Variants in FARS2 observed in about 807,000 individuals in gnomAD.
The protein encoded by FARS2 is phenylalanine--tRNA ligase, mitochondrial.
A neutral mutation model predicts 46.4 loss-of-function variants in FARS2; 40 were observed. The observed-to-expected ratio is 0.86, with a 90% CI of 0.67 to 1.12. The LOEUF (loss-of-function observed/expected upper bound fraction) is 1.12, where lower values mean the gene tolerates loss of function less well. FARS2 is among the 50% of genes most tolerant of loss of function. The pLI, the probability that FARS2 is intolerant of heterozygous loss-of-function variation, is 0.00. For missense variants in FARS2, 513 were observed against 567.9 expected, an observed-to-expected ratio of 0.90 and a Z score of 0.98; for synonymous variants, 234 against 214.9, an observed-to-expected ratio of 1.09 and a Z score of -0.78.
intron 5 of FARS2, among the ~76,000 whole-genome samples, chr6:5,611,200 T>C (rs145345621): frequency 1.3e-4 from 20 of 152,076 alleles, no homozygotes; most frequent in African/African-American, 4.8e-4. Context: ...AGTAATGGGA[T>C]TGATGGAGTC....
At chr6:5,690,698 G>A (rs1252859662) in intron 6 of FARS2, among the ~76,000 whole-genome samples, 2 of 152,118 alleles carry the variant, frequency 1.3e-5, no homozygotes, top group African/African-American at 4.8e-5. Context: ...TTCTCGAGGA[G>A]TATCTTTGTG....
At chr6:5,276,073 CT>C (rs976798060) in intron 1 of FARS2, among the ~76,000 whole-genome samples, 1 of 152,138 alleles carries the variant, frequency 6.6e-6, no homozygotes, top group Non-Finnish European at 1.5e-5. Context: ...ACCCTATTTT[CT>C]TTCTGAAAAA....
chr6:5,310,495 A>G (rs1313503552), intron 1 of FARS2, among the ~76,000 whole-genome samples: 1 of 152,164 alleles, frequency 6.6e-6, no homozygotes, highest in Non-Finnish European at 1.5e-5. Flanking sequence ...AGTTGCCAGT[A>G]ACAATCTTAA....
intron 5 of FARS2, among the ~76,000 whole-genome samples, chr6:5,611,840 C>T (rs1775204198): frequency 6.6e-6 from 1 of 152,162 alleles, no homozygotes; most frequent in Admixed American, 6.5e-5. Flanking sequence ...TGCCTGGCAT[C>T]AGAACTCAGG....
At chr6:5,496,806 C>G (rs180943328) in intron 4 of FARS2, among the ~76,000 whole-genome samples, 1 of 152,132 alleles carries the variant, frequency 6.6e-6, no homozygotes, top group Non-Finnish European at 1.5e-5. Context: ...TTAGGACTTT[C>G]ATATATGAAG....
chr6:5,637,980 A>G (rs1157771351), intron 6 of FARS2, among the ~76,000 whole-genome samples: 2 of 152,188 alleles, frequency 1.3e-5, no homozygotes, highest in Non-Finnish European at 2.9e-5. Context: ...ACACAGTTCA[A>G]CCCATAACAG....
intron 4 of FARS2, among the ~76,000 whole-genome samples, chr6:5,468,889 G>A (rs113566612): frequency 0.01 from 1,561 of 152,286 alleles, 34 homozygotes; most frequent in African/African-American, 0.035. Flanking sequence ...GAATGATGAA[G>A]TTTAAGGATT....
intron 6 of FARS2, among the ~76,000 whole-genome samples, chr6:5,703,268 C>T (rs1758550274): frequency 6.6e-6 from 1 of 152,106 alleles, no homozygotes; most frequent in Non-Finnish European, 1.5e-5. Context: ...CAAGCACAAT[C>T]CACGCTGTTC....
intron 6 of FARS2, among the ~76,000 whole-genome samples, chr6:5,669,698 G>T (rs974701203): frequency 6.6e-6 from 1 of 152,192 alleles, no homozygotes; most frequent in African/African-American, 2.4e-5. Flanking sequence ...TGCCCTGCTA[G>T]TCATTTGGCC....
At chr6:5,266,202 G>A (rs893190552) in intron 1 of FARS2, among the ~76,000 whole-genome samples, 4 of 152,194 alleles carry the variant, frequency 2.6e-5, no homozygotes, top group Admixed American at 6.5e-5. Context: ...CATGACCTGC[G>A]GAAGGCTTTG....
chr6:5,535,782 A>G (rs1770154668), intron 4 of FARS2, among the ~76,000 whole-genome samples: 1 of 152,156 alleles, frequency 6.6e-6, no homozygotes, highest in East Asian at 1.9e-4. Flanking sequence ...ATCAATTGAT[A>G]TGGTTATGTG....
chr6:5,274,238 C>T (rs1053210753), intron 1 of FARS2, among the ~76,000 whole-genome samples: 4 of 152,154 alleles, frequency 2.6e-5, no homozygotes, highest in Non-Finnish European at 5.9e-5. Context: ...TACTTCTTCC[C>T]GGCCATTAGA....
At chr6:5,264,687 G>A (rs1398695861) in intron 1 of FARS2, among the ~76,000 whole-genome samples, 3 of 151,900 alleles carry the variant, frequency 2.0e-5, no homozygotes, top group African/African-American at 4.8e-5. Flanking sequence ...GATTACAGGC[G>A]TGAGCCACCG....
intron 4 of FARS2, among the ~76,000 whole-genome samples, chr6:5,436,357 C>T (rs1447249290): frequency 6.8e-6 from 1 of 146,912 alleles, no homozygotes; most frequent in Non-Finnish European, 1.5e-5. Flanking sequence ...ACATACTTAA[C>T]ATGGTTCACT....
At position 5,449,103 on chromosome 6, in the gene FARS2, T is replaced by C. The variant is rs143013429; in HGVS notation, c.904+17931T>C. Among the ~76,000 whole-genome samples the C allele has an allele frequency of 9.7e-3, 1,474 of 152,128 alleles. 22 individuals carry two copies. The highest frequency in any genetic ancestry group is 0.033 in the African/African-American group (1,382 of 41,522). Reference sequence around the variant, plus strand: ...GTGGCTCACGCCTGTAATCCTAGCATTTTGGGAGGCCGAGGCGGGCAGATC... The same window carrying C: ...GTGGCTCACGCCTGTAATCCTAGCACTTTGGGAGGCCGAGGCGGGCAGATC... On this transcript the variant is annotated intron_variant, in intron 4 of 6. Coordinates refer to ENST00000274680, the MANE Select transcript of FARS2 (RefSeq NM_006567.5).
intron 4 of FARS2, among the ~76,000 whole-genome samples, chr6:5,472,144 A>T (rs536149147): frequency 6.6e-6 from 1 of 152,268 alleles, no homozygotes; most frequent in East Asian, 1.9e-4. Context: ...TATATTAATG[A>T]CGACGCATGA....
At chr6:5,297,235 C>G (rs116674228) in intron 1 of FARS2, among the ~76,000 whole-genome samples, 3,544 of 152,234 alleles carry the variant, frequency 0.023, 58 homozygotes, top group Middle Eastern at 0.037. Context: ...ACAGAGAGTC[C>G]AAGGGGCATG....
At chr6:5,316,698 T>G (rs1237338617) in intron 1 of FARS2, among the ~76,000 whole-genome samples, 1 of 152,158 alleles carries the variant, frequency 6.6e-6, no homozygotes, top group Non-Finnish European at 1.5e-5. Flanking sequence ...CCGCCACACT[T>G]TCATGAATTT....
chr6:5,610,025 C>T, intron 5 of FARS2: 1 of 974,036 alleles, frequency 1.0e-6, no homozygotes, highest in Non-Finnish European at 1.6e-6. Flanking sequence ...TAGTGACAAA[C>T]CCAAAGCCCC....
Sources: allele counts gnomAD v4.1 joint callset (sites outside exome capture counted in the v4.1 genomes callset), GRCh38; gene constraint gnomAD v4.1.1; transcripts MANE v1.5; gene names NCBI Gene and HGNC (gene_info 2026-07-23, HGNC 2026-07-21).